The following MLLT3 variants were observed in gnomAD, a reference collection of about 807,000 sequenced individuals.
The protein encoded by MLLT3 is protein AF-9.
In MLLT3, 4 loss-of-function variants were observed where a neutral mutation model predicts 53.2. The ratio of observed to expected loss-of-function variants is 0.08; its 90% CI spans 0.04 to 0.17. MLLT3 has a LOEUF of 0.17. Ranked by LOEUF, MLLT3 falls within the 10% of genes least tolerant of loss-of-function variation. The pLI is 1.00. For synonymous variants in MLLT3, 283 were observed against 230.6 expected (o/e 1.23, Z -2.06); for missense variants, 569 against 684.0 (o/e 0.83, Z 1.87).
intron 2 of MLLT3, among the ~76,000 whole-genome samples, chr9:20,474,168 A>G (rs552652441): frequency 3.3e-5 from 5 of 152,238 alleles, no homozygotes; most frequent in East Asian, 3.9e-4. Context: ...CACCATTTCT[A>G]TAACACTCTA....
At chr9:20,481,494 G>C (rs949999975) in intron 2 of MLLT3, among the ~76,000 whole-genome samples, 1 of 152,118 alleles carries the variant, frequency 6.6e-6, no homozygotes, top group Non-Finnish European at 1.5e-5. Flanking sequence ...AACTGTACTT[G>C]ACTTGAGCAT....
In MLLT3 at chr9:20,343,418, A is replaced by G. The variant is rs1587132021; in HGVS notation, c.*3025T>C. The G allele has an allele frequency of 4.6e-6, 1 of 217,972 alleles. No individual in the cohort carries two copies. The highest frequency in any genetic ancestry group is 9.2e-6 in the Non-Finnish European group (1 of 108,578). The allele number at this position is 217,972 out of a possible 1,614,324, so 13.5% of individuals were successfully genotyped here. A position where few individuals can be genotyped will look rare whatever the true frequency, so the allele number is the denominator to read the frequency against. On this transcript the variant is annotated 3_prime_UTR_variant, in exon 11 of 11. Transcript: ENST00000380338. ...TATGAACGCATTTATAGACATACCTATTTGTCTGTATTAAGATTGAGAGAG... is the reference window on the plus strand; with the variant it reads ...TATGAACGCATTTATAGACATACCTGTTTGTCTGTATTAAGATTGAGAGAG...
chr9:20,541,702 C>A (rs1818635004), intron 2 of MLLT3, among the ~76,000 whole-genome samples: 1 of 152,178 alleles, frequency 6.6e-6, no homozygotes, highest in African/African-American at 2.4e-5. Context: ...GGACATAGAG[C>A]CAAACCCTAT....
rs771825260 is a variant in MLLT3, at chr9:20,363,498, T to C, written c.1309A>G (p.Arg437Gly). The change falls in exon 7 of 11, where the codon AGA (arginine) becomes GGA (glycine). Residue 437 changes from arginine to glycine, a missense_variant. Physicochemically the swap from Arg to Gly is moderately radical, Grantham distance 125 (BLOSUM62 -2). Transcript: ENST00000380338. The part of the protein sequence containing the change: ...NDSEMERPVN[R>G]GGSRSRRVSL... The stretch of plus-strand genomic sequence containing the variant: ...CACCTGCGACTTCGGCTGCCTCCTC[T>C]ATTTACAGGCCTCTCCATTTCAGAG... The C allele has an allele frequency of 3.7e-6, 6 of 1,613,966 alleles. No homozygotes were observed. In the East Asian group the frequency reaches 1.3e-4, roughly 36 times the overall value.
chr9:20,595,062 T>C (rs937872377), intron 2 of MLLT3, among the ~76,000 whole-genome samples: 11 of 152,100 alleles, frequency 7.2e-5, no homozygotes, highest in African/African-American at 1.2e-4. Flanking sequence ...AAAAAATTAC[T>C]GGGCATGGGG....
intron 5 of MLLT3, among the ~76,000 whole-genome samples, chr9:20,386,717 A>G (rs992594229): frequency 6.6e-6 from 1 of 152,150 alleles, no homozygotes; most frequent in African/African-American, 2.4e-5. Flanking sequence ...AAAAATTCTC[A>G]GTAAGAAATG....
chr9:20,370,123 T>C (rs555941646), intron 5 of MLLT3, among the ~76,000 whole-genome samples: 2 of 152,372 alleles, frequency 1.3e-5, no homozygotes, highest in African/African-American at 4.8e-5. Flanking sequence ...CAATGGTATG[T>C]TCTACAGTGA....
At chr9:20,614,479 A>T (rs1336991219) in intron 2 of MLLT3, among the ~76,000 whole-genome samples, 4 of 152,126 alleles carry the variant, frequency 2.6e-5, no homozygotes, top group Non-Finnish European at 5.9e-5. Context: ...GCTAAAAAAA[A>T]GCACACACTT....
At chr9:20,397,129 T>C (rs114998786) in intron 5 of MLLT3, among the ~76,000 whole-genome samples, 34 of 152,310 alleles carry the variant, frequency 2.2e-4, no homozygotes, top group African/African-American at 7.9e-4. Context: ...GAGACTTGTA[T>C]AGCTGTTAGA....
At chr9:20,378,358 T>G (rs1821825322) in intron 5 of MLLT3, among the ~76,000 whole-genome samples, 1 of 152,070 alleles carries the variant, frequency 6.6e-6, no homozygotes, top group Non-Finnish European at 1.5e-5. Context: ...TGATACATGC[T>G]AAATAAACAG....
chr9:20,348,988 A>C (rs973476440), intron 10 of MLLT3, among the ~76,000 whole-genome samples: 7 of 152,196 alleles, frequency 4.6e-5, no homozygotes, highest in African/African-American at 1.7e-4. Context: ...GAATCTAGTG[A>C]AAATGTGTAA....
chr9:20,429,551 G>GA (rs58879227), intron 4 of MLLT3, among the ~76,000 whole-genome samples: 36,597 of 151,600 alleles, frequency 0.24, 8,030 homozygotes, highest in East Asian at 0.68. Flanking sequence ...TTGTAGGGGG[G>GA]AAAAAAAGGA....
intron 10 of MLLT3, among the ~76,000 whole-genome samples, chr9:20,348,098 T>C (rs1214946230): frequency 6.6e-6 from 1 of 152,218 alleles, no homozygotes; most frequent in East Asian, 1.9e-4. Context: ...TGAGCTGTTA[T>C]TGTCTTACCC....
chr9:20,617,832 T>C (rs939992082), intron 2 of MLLT3, among the ~76,000 whole-genome samples: 1 of 152,178 alleles, frequency 6.6e-6, no homozygotes, highest in Non-Finnish European at 1.5e-5. Context: ...ACCTCATTAA[T>C]TCAAATCCAA....
intron 2 of MLLT3, among the ~76,000 whole-genome samples, chr9:20,458,263 T>A (rs1824020554): frequency 6.6e-6 from 1 of 152,226 alleles, no homozygotes; most frequent in African/African-American, 2.4e-5. Flanking sequence ...TTTTGAAGGA[T>A]CTTGTCTGCT....
At chr9:20,562,400 T>C (rs1301357965) in intron 2 of MLLT3, among the ~76,000 whole-genome samples, 2 of 152,174 alleles carry the variant, frequency 1.3e-5, no homozygotes, top group Non-Finnish European at 2.9e-5. Flanking sequence ...TTTACACTTC[T>C]AGCTTTGCAC....
At chr9:20,542,513 G>A (rs556948445) in intron 2 of MLLT3, among the ~76,000 whole-genome samples, 131 of 152,276 alleles carry the variant, frequency 8.6e-4, no homozygotes, top group Non-Finnish European at 1.3e-4. Flanking sequence ...GCCTCCCAAA[G>A]TGCTGGGATT....
chr9:20,407,219 G>A (rs1457965062), intron 5 of MLLT3, among the ~76,000 whole-genome samples: 2 of 152,162 alleles, frequency 1.3e-5, no homozygotes, highest in African/African-American at 4.8e-5. Context: ...GGCATCTTCT[G>A]GGAAAGGTTG....
intron 2 of MLLT3, among the ~76,000 whole-genome samples, chr9:20,612,566 T>C (rs543889571): frequency 1.3e-5 from 2 of 151,846 alleles, no homozygotes; most frequent in African/African-American, 4.8e-5. Flanking sequence ...GGCAAGATAT[T>C]TTCAACAAAA....
Sources: gnomAD v4.1 joint callset for allele counts (sites outside exome capture counted in the v4.1 genomes callset) on GRCh38, gnomAD v4.1.1 for gene constraint, MANE v1.5 for transcripts, NCBI Gene and HGNC (gene_info 2026-07-23, HGNC 2026-07-21) for gene names.